SDK1: variants seen among roughly 807,000 people sequenced by gnomAD.
SDK1 encodes protein sidekick-1.
Under a neutral mutation model 245.5 loss-of-function variants are expected in SDK1, and 157 were observed. The observed-to-expected ratio is 0.64, with a 90% CI of 0.56 to 0.73. The LOEUF (loss-of-function observed/expected upper bound fraction) is 0.73, where lower values mean the gene tolerates loss of function less well. SDK1 is among the 30% of genes least tolerant of loss of function. The pLI is 0.00. For synonymous variants in SDK1, 1,647 were observed against 1,278.5 expected (o/e 1.29, Z -6.15); for missense variants, 3,583 against 3,002.3 (o/e 1.19, Z -4.52).
At chr7:3,782,910 A>G (rs1780788583) in intron 4 of SDK1, among the ~76,000 whole-genome samples, 1 of 152,216 alleles carries the variant, frequency 6.6e-6, no homozygotes, top group Non-Finnish European at 1.5e-5. Context: ...GCCAAACAAG[A>G]ACATTATAAG....
intron 5 of SDK1, among the ~76,000 whole-genome samples, chr7:3,872,580 C>CT (rs57740560): frequency 0.3 from 41,946 of 139,998 alleles, 6,371 homozygotes; most frequent in African/African-American, 0.33. Context: ...TTTTTGGTAT[C>CT]TTTTTTTTTT....
At chr7:3,972,861 C>G (rs1047337153) in intron 12 of SDK1, among the ~76,000 whole-genome samples, 1 of 152,106 alleles carries the variant, frequency 6.6e-6, no homozygotes, top group Non-Finnish European at 1.5e-5. Flanking sequence ...ACGTGGGTGC[C>G]GAATGCAAAA....
At chr7:3,690,417 G>C (rs10234286) in intron 4 of SDK1, among the ~76,000 whole-genome samples, 13,911 of 152,172 alleles carry the variant, frequency 0.091, 795 homozygotes, top group South Asian at 0.22. Flanking sequence ...TTAATGTTCA[G>C]TGATAGTGGC....
intron 4 of SDK1, among the ~76,000 whole-genome samples, chr7:3,804,272 G>C (rs1779184956): frequency 6.6e-6 from 1 of 152,148 alleles, no homozygotes; most frequent in African/African-American, 2.4e-5. Context: ...TCAGTTATAT[G>C]AGGGTTTGGC....
chr7:4,093,458 CAAA>C (rs71032922), intron 22 of SDK1, among the ~76,000 whole-genome samples: 48 of 77,756 alleles, frequency 6.2e-4, no homozygotes, highest in African/African-American at 1.7e-3. Context: ...AAATGGAAAG[CAAA>C]AAAAAAAAAA....
chr7:3,716,719 A>T (rs1400404654), intron 4 of SDK1, among the ~76,000 whole-genome samples: 3 of 151,286 alleles, frequency 2.0e-5, no homozygotes, highest in South Asian at 2.1e-4. Flanking sequence ...TTACGGCGCC[A>T]TTGCACTTCA....
chr7:3,333,179 G>T (rs745635173), intron 1 of SDK1, among the ~76,000 whole-genome samples: 2 of 152,140 alleles, frequency 1.3e-5, no homozygotes, highest in Non-Finnish European at 2.9e-5. Flanking sequence ...CTTTGTCGGG[G>T]GAGGGAGGGT....
chr7:4,231,018 G>T (rs188810881), intron 40 of SDK1, among the ~76,000 whole-genome samples: 1 of 152,210 alleles, frequency 6.6e-6, no homozygotes, highest in African/African-American at 2.4e-5. Flanking sequence ...GGGAGGAGGG[G>T]GCAACAGTTC....
chr7:4,091,487 C>G (rs112034237), intron 22 of SDK1, among the ~76,000 whole-genome samples: 3 of 151,800 alleles, frequency 2.0e-5, no homozygotes, highest in Non-Finnish European at 4.4e-5. Flanking sequence ...GGATGATAGG[C>G]ACGTACCACC....
intron 4 of SDK1, among the ~76,000 whole-genome samples, chr7:3,763,325 CA>C (rs1281977360): frequency 6.6e-6 from 1 of 152,130 alleles, no homozygotes; most frequent in Non-Finnish European, 1.5e-5. Flanking sequence ...ACAACTCGAT[CA>C]TTTTTTTCAA....
chr7:4,250,245 C>G (rs978049626), intron 44 of SDK1, among the ~76,000 whole-genome samples: 1 of 152,160 alleles, frequency 6.6e-6, no homozygotes, highest in African/African-American at 2.4e-5. Context: ...TTCATCAGTT[C>G]TCTTTCACAT....
At chr7:3,983,821 A>G (rs1228746190) in intron 13 of SDK1, among the ~76,000 whole-genome samples, 2 of 152,188 alleles carry the variant, frequency 1.3e-5, no homozygotes, top group Non-Finnish European at 2.9e-5. Context: ...TTACCAAAAT[A>G]TCACACTTTG....
At chr7:3,619,409 GAT>G (rs1781866439) in intron 2 of SDK1, among the ~76,000 whole-genome samples, 170 bp downstream of exon 2, 1 of 152,194 alleles carries the variant, frequency 6.6e-6, no homozygotes, top group South Asian at 2.1e-4. Flanking sequence ...TTACTATTCT[GAT>G]ATAGGTTGTA....
At chr7:3,469,538 A>G (rs1172627122) in intron 1 of SDK1, among the ~76,000 whole-genome samples, 4 of 152,226 alleles carry the variant, frequency 2.6e-5, no homozygotes, top group Non-Finnish European at 5.9e-5. Flanking sequence ...GCTTGTCTAA[A>G]TTGTGACTTA....
intron 8 of SDK1, among the ~76,000 whole-genome samples, chr7:3,961,942 C>T (rs952687331): frequency 6.6e-5 from 10 of 151,712 alleles, no homozygotes; most frequent in South Asian, 2.1e-4. Context: ...TATACACACA[C>T]GCACATGTAT....
chr7:4,012,032 C>G lies in SDK1; in HGVS notation c.2280-63C>G, dbSNP rs928728995. On this transcript the variant is annotated intron_variant, in intron 15 of 44. Transcript: ENST00000404826. ...AAGATTCAGCAAGATAGATGAAATG[C>G]AAATGGGCCCCCGCTGTTTCTGGTA... 23 of 1,315,798 alleles carry G rather than the reference C, an allele frequency of 1.7e-5. No individual in the cohort carries two copies. In the African/African-American group the frequency reaches 2.0e-4, roughly 11 times the overall value. The allele number at this position is 1,315,798 out of a possible 1,614,324, so 81.5% of individuals were successfully genotyped here. A position where few individuals can be genotyped will look rare whatever the true frequency, so the allele number is the denominator to read the frequency against.
chr7:3,824,039 C>G (rs1779710174), intron 5 of SDK1, among the ~76,000 whole-genome samples: 1 of 151,776 alleles, frequency 6.6e-6, no homozygotes, highest in South Asian at 2.1e-4. Flanking sequence ...GCAGAATCCC[C>G]CAGAATTGTT....
At chr7:3,717,438 G>A (rs1785236450) in intron 4 of SDK1, among the ~76,000 whole-genome samples, 1 of 152,114 alleles carries the variant, frequency 6.6e-6, no homozygotes, top group African/African-American at 2.4e-5. Context: ...GCAACTAAGG[G>A]CATGCTGAGA....
intron 1 of SDK1, among the ~76,000 whole-genome samples, chr7:3,511,412 A>G (rs1782574378): frequency 2.0e-5 from 3 of 152,336 alleles, no homozygotes; most frequent in Admixed American, 1.3e-4. Flanking sequence ...AGTTTAAATT[A>G]CTTAAAGTTC....
Sources: gnomAD v4.1 joint callset for allele counts (sites outside exome capture counted in the v4.1 genomes callset) on GRCh38, gnomAD v4.1.1 for gene constraint, MANE v1.5 for transcripts, NCBI Gene and HGNC (gene_info 2026-07-23, HGNC 2026-07-21) for gene names.